ZNRF1: variants seen among roughly 807,000 people sequenced by gnomAD.
The protein encoded by ZNRF1 is E3 ubiquitin-protein ligase ZNRF1.
A neutral mutation model predicts 18.4 loss-of-function variants in ZNRF1; 3 were observed. That is an observed-to-expected ratio of 0.16 (90% confidence interval 0.07 to 0.42). The LOEUF is 0.42. Ranked by LOEUF, ZNRF1 falls within the 10% of genes least tolerant of loss-of-function variation. The pLI is 0.99. For synonymous variants in ZNRF1, 157 were observed against 144.2 expected (o/e 1.09, Z -0.64); for missense variants, 310 against 329.8 (o/e 0.94, Z 0.47).
chr16:75,083,575 C>T (rs2145413326), intron 1 of ZNRF1, among the ~76,000 whole-genome samples: 1 of 152,192 alleles, frequency 6.6e-6, no homozygotes, highest in Middle Eastern at 3.4e-3. Context: ...TGGCTAGGCA[C>T]AGTATTATTA....
At chr16:75,088,491 A>G (rs147080817) in intron 1 of ZNRF1, among the ~76,000 whole-genome samples, 219 of 152,340 alleles carry the variant, frequency 1.4e-3, no homozygotes, top group African/African-American at 4.9e-3. Flanking sequence ...AGCCCGGACT[A>G]TGGGGCACTT....
intron 1 of ZNRF1, among the ~76,000 whole-genome samples, chr16:75,059,339 C>T (rs978569850): frequency 6.7e-6 from 1 of 148,176 alleles, no homozygotes; most frequent in Non-Finnish European, 1.5e-5. Flanking sequence ...CCTCCACCTC[C>T]TCCGTTCAAG....
chr16:75,062,741 C>T (rs903390969), intron 1 of ZNRF1, among the ~76,000 whole-genome samples: 2 of 152,164 alleles, frequency 1.3e-5, no homozygotes, highest in African/African-American at 2.4e-5. Flanking sequence ...GAGAGGCGTC[C>T]GGAGGGCCTG....
intron 1 of ZNRF1, among the ~76,000 whole-genome samples, chr16:75,082,806 G>GGC (rs1166885915): frequency 6.6e-6 from 1 of 152,154 alleles, no homozygotes; most frequent in African/African-American, 2.4e-5. Flanking sequence ...TACCTGCCTT[G>GGC]GCCTCCTAAA....
chr16:75,020,013 G>T (rs764631909), intron 1 of ZNRF1, among the ~76,000 whole-genome samples: 1 of 152,084 alleles, frequency 6.6e-6, no homozygotes, highest in East Asian at 1.9e-4. Context: ...GCCCAGCCAG[G>T]TGTTCTTGAT....
intron 1 of ZNRF1, among the ~76,000 whole-genome samples, chr16:75,042,157 T>C (rs898118290): frequency 3.9e-5 from 6 of 152,226 alleles, no homozygotes; most frequent in African/African-American, 1.4e-4. Flanking sequence ...TTTTGTCAGA[T>C]ATGATTTGCA....
chr16:75,031,090 C>T (rs1273041852), intron 1 of ZNRF1, among the ~76,000 whole-genome samples: 4 of 151,560 alleles, frequency 2.6e-5, no homozygotes, highest in Non-Finnish European at 5.9e-5. Flanking sequence ...CCCACCTCAG[C>T]CTCCCAAAGT....
intron 1 of ZNRF1, among the ~76,000 whole-genome samples, chr16:75,024,150 A>G (rs991650516): frequency 3.3e-5 from 5 of 152,108 alleles, no homozygotes; most frequent in African/African-American, 1.2e-4. Context: ...GATTACAGGC[A>G]TGAGCCACCG....
chr16:75,084,867 C>T (rs2036055657), intron 1 of ZNRF1, among the ~76,000 whole-genome samples: 1 of 152,174 alleles, frequency 6.6e-6, no homozygotes, highest in Non-Finnish European at 1.5e-5. Flanking sequence ...ACACTTTGTT[C>T]AATGTTTATT....
chr16:75,084,265 A>T (rs2036049322), intron 1 of ZNRF1, among the ~76,000 whole-genome samples: 1 of 152,268 alleles, frequency 6.6e-6, no homozygotes, highest in African/African-American at 2.4e-5. Context: ...GAGGAAGGCT[A>T]GAAATATTTG....
intron 1 of ZNRF1, among the ~76,000 whole-genome samples, chr16:75,034,823 TGCCACGTTGCCCAG>T (rs917980917): frequency 3.3e-5 from 5 of 151,806 alleles, no homozygotes; most frequent in Admixed American, 2.6e-4. Flanking sequence ...GACAGGGTTT[TGCCACGTTGCCCAG>T]GCTGGTCTCA....
intron 1 of ZNRF1, among the ~76,000 whole-genome samples, chr16:75,061,765 T>G (rs528300897): frequency 6.6e-5 from 10 of 152,374 alleles, no homozygotes; most frequent in African/African-American, 2.4e-4. Context: ...CACCACAGTA[T>G]GACTTTCACT....
chr16:75,002,171 G>C (rs1317067475), intron 1 of ZNRF1: 1 of 152,186 alleles, frequency 6.6e-6, no homozygotes, highest in African/African-American at 2.4e-5. Context: ...CTCTGGTTGA[G>C]AACCACTGCT....
chr16:74,999,958 C>G lies in ZNRF1; in HGVS notation c.287C>G (p.Thr96Ser). ...GGCGGAGGGTCTGCGTCCGACTCCA[C>G]CTATGCCCATGGCAATGGTTACCAG... The part of the protein sequence containing the change: ...PGGGGSASDS[T>S]YAHGNGYQET... Residue 96 changes from threonine (T) to serine (S), a missense_variant, in exon 1 of 5, where the codon ACC (threonine) becomes AGC (serine). Physicochemically the swap from Thr to Ser is moderately conservative, Grantham distance 58. This residue lies in a region of ZNRF1 where 293 missense variants were observed against 291.2 expected (regional missense o/e 1.01). Transcript: ENST00000335325. The G allele has an allele frequency of 6.3e-7, 1 of 1,579,128 alleles. No individual in the cohort carries two copies. Among genetic ancestry groups the G allele is most frequent in the East Asian group, 2.3e-5 (1 of 43,316 alleles).
chr16:75,071,692 G>A (rs911043754), intron 1 of ZNRF1, among the ~76,000 whole-genome samples: 1 of 152,198 alleles, frequency 6.6e-6, no homozygotes, highest in Non-Finnish European at 1.5e-5. Flanking sequence ...CAAGATTCTG[G>A]AAGTGCATGT....
At chr16:75,002,262 A>T (rs940512095) in intron 1 of ZNRF1, 1 of 152,212 alleles carries the variant, frequency 6.6e-6, no homozygotes, top group East Asian at 1.9e-4. Flanking sequence ...CGTGTGCAGC[A>T]TTGGTTCCAT....
In ZNRF1 at chr16:75,065,004, C is replaced by CT. The variant is rs567694855; in HGVS notation, c.425-28568_425-28567insT. 7.2e-4 allele frequency among the ~76,000 whole-genome samples: 109 copies of CT among 152,342 alleles called. 1 individual carries two copies. The highest frequency in any genetic ancestry group is 2.5e-3 in the African/African-American group (105 of 41,580). ...GCAGGAATGTAGAATGGGTGTATCTCACCCCACTTCACGTGAGAGATAGGC... is the reference window on the plus strand; with the variant it reads ...GCAGGAATGTAGAATGGGTGTATCTCTACCCCACTTCACGTGAGAGATAGGC... On this transcript the variant is annotated intron_variant, in intron 1 of 4. Transcript: ENST00000335325.
chr16:75,045,926 G>T (rs2035509385), intron 1 of ZNRF1, among the ~76,000 whole-genome samples: 1 of 151,564 alleles, frequency 6.6e-6, no homozygotes. Context: ...TTTTGAGATG[G>T]AGTTTCACTC....
intron 1 of ZNRF1, among the ~76,000 whole-genome samples, chr16:75,060,857 C>A (rs1306113172): frequency 6.6e-6 from 1 of 152,104 alleles, no homozygotes; most frequent in African/African-American, 2.4e-5. Context: ...CTCCCCTGTA[C>A]TATGAGGGTA....
Sources: gnomAD v4.1 joint callset for allele counts (sites outside exome capture counted in the v4.1 genomes callset) on GRCh38, gnomAD v4.1.1 for gene constraint, gnomAD v4.1.1 regional missense constraint, MANE v1.5 for transcripts, NCBI Gene and HGNC (gene_info 2026-07-23, HGNC 2026-07-21) for gene names.